ACOXL: variants seen among roughly 807,000 people sequenced by gnomAD.
The protein encoded by ACOXL is acyl-coenzyme A oxidase-like protein.
A neutral mutation model predicts 71.9 loss-of-function variants in ACOXL; 70 were observed. That is an observed-to-expected ratio of 0.97 (90% CI 0.80 to 1.19). ACOXL has a LOEUF of 1.19. Ranked by LOEUF, ACOXL falls within the 50% of genes most tolerant of loss-of-function variation. ACOXL has a pLI of 0.00. For synonymous variants in ACOXL, 253 were observed against 281.6 expected (o/e 0.90, Z 1.02); for missense variants, 703 against 736.3 (o/e 0.95, Z 0.52).
At chr2:110,964,315 C>A (rs2061834502) in intron 12 of ACOXL, among the ~76,000 whole-genome samples, 1 of 152,110 alleles carries the variant, frequency 6.6e-6, no homozygotes, top group African/African-American at 2.4e-5. Flanking sequence ...AAATTTTCAA[C>A]AATAGGAAAA....
intron 17 of ACOXL, among the ~76,000 whole-genome samples, chr2:111,093,226 CAAAA>C (rs551489527): frequency 6.4e-5 from 6 of 94,114 alleles, no homozygotes; most frequent in Non-Finnish European, 4.5e-5. Context: ...TTGTCTTGGC[CAAAA>C]AAAAAAAAAA....
chr2:111,102,231 T>C (rs142194852), intron 17 of ACOXL, among the ~76,000 whole-genome samples: 12 of 152,278 alleles, frequency 7.9e-5, no homozygotes, highest in African/African-American at 2.9e-4. Flanking sequence ...TGCAGACCAT[T>C]CAAGTCAGGT....
intron 15 of ACOXL, among the ~76,000 whole-genome samples, chr2:111,043,937 G>C (rs2065900499): frequency 6.6e-6 from 1 of 152,152 alleles, no homozygotes; most frequent in Admixed American, 6.5e-5. Context: ...CAGGGACCTG[G>C]TATTTTAGTG....
chr2:110,765,080 T>C (rs1680881332), intron 1 of ACOXL, among the ~76,000 whole-genome samples: 1 of 152,236 alleles, frequency 6.6e-6, no homozygotes, highest in Non-Finnish European at 1.5e-5. Flanking sequence ...AGTTATTTTG[T>C]CTCAGTACTT....
chr2:110,975,123 C>T (rs2062384866), intron 12 of ACOXL, among the ~76,000 whole-genome samples: 1 of 152,116 alleles, frequency 6.6e-6, no homozygotes, highest in African/African-American at 2.4e-5. Flanking sequence ...ATAAAAGAGA[C>T]CAAGCACATA....
chr2:110,909,121 C>T (rs1204049901), intron 11 of ACOXL, among the ~76,000 whole-genome samples: 1 of 152,132 alleles, frequency 6.6e-6, no homozygotes, highest in Non-Finnish European at 1.5e-5. Flanking sequence ...ATGCCAAGGT[C>T]CAAATCTTGA....
chr2:111,051,707 TGATCCACCC>T (rs1397787480), intron 16 of ACOXL, among the ~76,000 whole-genome samples: 2 of 152,166 alleles, frequency 1.3e-5, no homozygotes, highest in African/African-American at 2.4e-5. Context: ...TGACCTCAGG[TGATCCACCC>T]GCCTCGGCCT....
intron 8 of ACOXL, among the ~76,000 whole-genome samples, chr2:110,803,774 T>A (rs1686282203): frequency 6.6e-6 from 1 of 152,188 alleles, no homozygotes; most frequent in Non-Finnish European, 1.5e-5. Flanking sequence ...TATATTAATA[T>A]AAGGGTATAG....
At chr2:110,839,943 T>A (rs1383900974) in intron 9 of ACOXL, among the ~76,000 whole-genome samples, 1 of 141,254 alleles carries the variant, frequency 7.1e-6, no homozygotes, top group Non-Finnish European at 1.6e-5. Flanking sequence ...AGACTTTGGC[T>A]ACAGAAATGA....
intron 16 of ACOXL, among the ~76,000 whole-genome samples, chr2:111,092,466 A>G (rs561847402): frequency 2.7e-4 from 41 of 152,294 alleles, no homozygotes; most frequent in African/African-American, 8.9e-4. Context: ...ATATCAAGAT[A>G]TTATTATTCA....
At chr2:110,908,765 A>T (rs1276475122) in intron 10 of ACOXL, 24 bp from the exon 11 acceptor site, 1 of 1,592,958 alleles carries the variant, frequency 6.3e-7, no homozygotes, top group Non-Finnish European at 8.6e-7. Flanking sequence ...TTTGGTAAAA[A>T]TCGTGTCTGT....
chr2:110,828,108 C>T (rs758912859), intron 9 of ACOXL, among the ~76,000 whole-genome samples: 18 of 152,106 alleles, frequency 1.2e-4, no homozygotes, highest in Admixed American at 2.0e-4. Context: ...GTAGCTTGGA[C>T]TACAGGCACA....
intron 16 of ACOXL, among the ~76,000 whole-genome samples, chr2:111,087,459 A>C (rs1193020559): frequency 3.3e-5 from 5 of 152,206 alleles, no homozygotes; most frequent in Non-Finnish European, 7.3e-5. Flanking sequence ...AGACACATAG[A>C]CCAATGGTAC....
intron 10 of ACOXL, among the ~76,000 whole-genome samples, chr2:110,876,290 G>A (rs750225): frequency 0.3 from 45,052 of 152,078 alleles, 7,162 homozygotes; most frequent in Non-Finnish European, 0.35. Flanking sequence ...AGAGAGGCAG[G>A]CAGAGAAATG....
intron 10 of ACOXL, among the ~76,000 whole-genome samples, chr2:110,842,464 A>T (rs531574422): frequency 1.3e-5 from 2 of 152,366 alleles, no homozygotes; most frequent in Non-Finnish European, 2.9e-5. Context: ...GAAAGCATGC[A>T]CATTTATTTA....
intron 10 of ACOXL, among the ~76,000 whole-genome samples, chr2:110,863,572 G>A (rs1694206871): frequency 6.6e-6 from 1 of 152,170 alleles, no homozygotes; most frequent in Non-Finnish European, 1.5e-5. Context: ...AAGCCCTGAA[G>A]GTTATGTGAT....
intron 11 of ACOXL, 132 bp from the exon 12 acceptor site, chr2:110,933,357 A>G: frequency 8.8e-7 from 1 of 1,131,328 alleles, no homozygotes; most frequent in Non-Finnish European, 1.2e-6. Context: ...GACTATCTAC[A>G]GTTTAAAATC....
intron 1 of ACOXL, among the ~76,000 whole-genome samples, chr2:110,765,400 A>G (rs59716611): frequency 0.028 from 4,189 of 152,076 alleles, 193 homozygotes; most frequent in African/African-American, 0.094. Context: ...TTTGCTTTTC[A>G]AAACTGAAGA....
intron 16 of ACOXL, among the ~76,000 whole-genome samples, chr2:111,055,606 G>A (rs189086612): frequency 2.6e-5 from 4 of 152,328 alleles, no homozygotes; most frequent in Non-Finnish European, 4.4e-5. Flanking sequence ...GGGGCTGCCC[G>A]TTGTGGCCAC....
Sources: gnomAD v4.1 joint callset for allele counts (sites outside exome capture counted in the v4.1 genomes callset) on GRCh38, gnomAD v4.1.1 for gene constraint, MANE v1.5 for transcripts, NCBI Gene and HGNC (gene_info 2026-07-23, HGNC 2026-07-21) for gene names.